ORC2: variants seen among roughly 807,000 people sequenced by gnomAD.
The protein encoded by ORC2 is origin recognition complex protein 2 homolog.
ORC2 carries 37 observed loss-of-function variants against 77.7 expected under a neutral mutation model. The ratio of observed to expected loss-of-function variants is 0.48; its 90% CI spans 0.37 to 0.63. The LOEUF (loss-of-function observed/expected upper bound fraction) is 0.63. Among genes scored for constraint, ORC2 ranks in the 20% least tolerant of loss-of-function variants. The pLI, the probability that ORC2 is intolerant of heterozygous loss-of-function variation, is 0.00. For synonymous variants in ORC2, 201 were observed against 229.5 expected (o/e 0.88, Z 1.12); for missense variants, 557 against 661.9 (o/e 0.84, Z 1.74).
chr2:200,940,462 G>A (rs963571539), intron 7 of ORC2, among the ~76,000 whole-genome samples: 1 of 152,048 alleles, frequency 6.6e-6, no homozygotes, highest in Non-Finnish European at 1.5e-5. Context: ...CCCTTTCATG[G>A]AACACTCACC....
chr2:200,929,257 GA>G (rs1256604128), intron 11 of ORC2, among the ~76,000 whole-genome samples: 1 of 152,152 alleles, frequency 6.6e-6, no homozygotes, highest in Non-Finnish European at 1.5e-5. Context: ...AGCCAAGAAT[GA>G]GCATTTAAAA....
rs571740465 is a variant in ORC2, at chr2:200,930,325, C to T, written c.917+1014G>A. Among the ~76,000 whole-genome samples the T allele has an allele frequency of 1.1e-4, 17 of 152,162 alleles. No homozygotes were observed. In the East Asian group the frequency reaches 2.9e-3, roughly 26 times the overall value. ...CCAACAAACTTGCTGACTATAAGGT[C>T]TAATCTGAGAAGCAAAGCAAATTAA... On this transcript the variant is annotated intron_variant, in intron 11 of 17. Transcript: ENST00000234296.
chr2:200,939,340 G>C (rs1193045151), intron 7 of ORC2, among the ~76,000 whole-genome samples: 3 of 152,158 alleles, frequency 2.0e-5, no homozygotes, highest in Admixed American at 2.0e-4. Flanking sequence ...CAACACCTGT[G>C]TCAAAATAAC....
At chr2:200,915,930 A>G (rs1336774539) in intron 15 of ORC2, among the ~76,000 whole-genome samples, 1 of 152,090 alleles carries the variant, frequency 6.6e-6, no homozygotes, top group African/African-American at 2.4e-5. Context: ...CCTGGCGTCA[A>G]GTGATCCGCC....
At chr2:200,918,057 G>C (rs2040688354) in intron 15 of ORC2, among the ~76,000 whole-genome samples, 2 of 151,880 alleles carry the variant, frequency 1.3e-5, no homozygotes, top group East Asian at 3.9e-4. Flanking sequence ...TATTCATACT[G>C]ATATATACAT....
At chr2:200,925,462 A>C (rs1390289281) in intron 13 of ORC2, among the ~76,000 whole-genome samples, 2 of 152,192 alleles carry the variant, frequency 1.3e-5, no homozygotes, top group Admixed American at 6.6e-5. Flanking sequence ...TTTTTGGGCC[A>C]GGTGTGGTGG....
At chr2:200,916,942 C>T (rs2124933818) in intron 15 of ORC2, among the ~76,000 whole-genome samples, 1 of 149,862 alleles carries the variant, frequency 6.7e-6, no homozygotes, top group South Asian at 2.1e-4. Context: ...GATCTGCCCG[C>T]CTTGGCCTCA....
intron 5 of ORC2, among the ~76,000 whole-genome samples, chr2:200,944,792 G>A (rs1429885863): frequency 2.0e-5 from 3 of 152,118 alleles, no homozygotes; most frequent in Admixed American, 6.6e-5. Flanking sequence ...CTCCCGCCTC[G>A]GCCTCTCAAA....
chr2:200,945,766 A>G (rs1007182338), intron 5 of ORC2, among the ~76,000 whole-genome samples: 12 of 152,070 alleles, frequency 7.9e-5, no homozygotes, highest in Non-Finnish European at 1.5e-4. Flanking sequence ...AAAGATACTT[A>G]TTTTCTTTTA....
chr2:200,914,169 T>C (rs966226805), intron 15 of ORC2, among the ~76,000 whole-genome samples, 177 bp from the exon 16 acceptor site: 6 of 149,458 alleles, frequency 4.0e-5, no homozygotes, highest in South Asian at 2.1e-4. Flanking sequence ...TAATTTCTTT[T>C]TTTTTTTTTT....
Position 200,949,644 on chromosome 2 carries a change from C to G in ORC2, c.239-1G>C. 6.4e-7 allele frequency: 1 copy of G among 1,559,796 alleles called. No homozygotes were observed. The highest frequency in any genetic ancestry group is 8.8e-7 in the Non-Finnish European group (1 of 1,141,094). ...GTAGCAGAGCCATTTTTCAATGATTCTGAAAGAAAAAAATGCAATATACAT... is the reference window on the plus strand; with the variant it reads ...GTAGCAGAGCCATTTTTCAATGATTGTGAAAGAAAAAAATGCAATATACAT... On this transcript the variant is annotated splice_acceptor_variant, in intron 4 of 17. Coordinates refer to ENST00000234296, the MANE Select transcript of ORC2 (RefSeq NM_006190.5). LOFTEE classifies it high-confidence loss of function.
At chr2:200,957,071 T>C (rs931494031) in intron 4 of ORC2, among the ~76,000 whole-genome samples, 1 of 152,126 alleles carries the variant, frequency 6.6e-6, no homozygotes, top group African/African-American at 2.4e-5. Flanking sequence ...GCTTAAAACC[T>C]AGATGATGGG....
rs1449708674 is a variant in ORC2 at position 200,942,577 on chromosome 2, G to GAAAAGAAGAAAATATATAT, written c.421+89_421+107dup. On this transcript the variant is annotated intron_variant, in intron 6 of 17. Transcript: ENST00000234296. ...TTGCATTTTGTTGAATGAATTTTCAGAAAAGAAGAAAATATATATAAAAAT... is the reference window on the plus strand; with the variant it reads ...TTGCATTTTGTTGAATGAATTTTCAGAAAAGAAGAAAATATATATAAAAGAAGAAAATATATATAAAAAT... The GAAAAGAAGAAAATATATAT allele has an allele frequency of 7.4e-6, 4 of 537,766 alleles. No homozygotes were observed. In the Admixed American group the frequency reaches 1.5e-4, roughly 20 times the overall value. The allele number at this position is 537,766 out of a possible 1,614,324, so 33.3% of individuals were successfully genotyped here.
At chr2:200,927,411 T>C (rs545443041) in intron 11 of ORC2, among the ~76,000 whole-genome samples, 1,834 of 151,000 alleles carry the variant, frequency 0.012, 31 homozygotes, top group African/African-American at 0.043. Flanking sequence ...AAAAAAAAAT[T>C]AGGTCAGGTG....
intron 4 of ORC2, among the ~76,000 whole-genome samples, chr2:200,957,127 C>T (rs1416897246): frequency 6.6e-6 from 1 of 152,124 alleles, no homozygotes; most frequent in Non-Finnish European, 1.5e-5. Context: ...ACCTATGTAA[C>T]AAGCCTGCAC....
intron 11 of ORC2, among the ~76,000 whole-genome samples, chr2:200,929,045 G>A (rs117092045): frequency 2.6e-5 from 4 of 151,770 alleles, no homozygotes; most frequent in South Asian, 2.1e-4. Flanking sequence ...ACTGCCTCCC[G>A]CGTTCAAGCA....
chr2:200,938,305 T>A (rs2041084684), intron 7 of ORC2, among the ~76,000 whole-genome samples: 1 of 152,168 alleles, frequency 6.6e-6, no homozygotes, highest in Non-Finnish European at 1.5e-5. Flanking sequence ...ACTGGGATTA[T>A]GGGTGTGAGC....
intron 11 of ORC2, among the ~76,000 whole-genome samples, chr2:200,928,616 A>G (rs2040883660): frequency 6.6e-6 from 1 of 151,868 alleles, no homozygotes; most frequent in Admixed American, 6.6e-5. Flanking sequence ...GATCGAGACC[A>G]TCTTGGCTAA....
At chr2:200,961,000 C>A (rs1268837857) in intron 1 of ORC2, among the ~76,000 whole-genome samples, 2 of 152,104 alleles carry the variant, frequency 1.3e-5, no homozygotes, top group African/African-American at 4.8e-5. Context: ...TGGTGTCGAT[C>A]TCTTGAACTC....
Sources: allele counts gnomAD v4.1 joint callset (sites outside exome capture counted in the v4.1 genomes callset), GRCh38; gene constraint gnomAD v4.1.1; transcripts MANE v1.5; gene names NCBI Gene and HGNC (gene_info 2026-07-23, HGNC 2026-07-21).